Variants in AKT3 observed in about 807,000 individuals in gnomAD.
AKT3 encodes the protein RAC-gamma serine/threonine-protein kinase.
A neutral mutation model predicts 65.3 loss-of-function variants in AKT3; 15 were observed. That is an observed-to-expected ratio of 0.23 (90% confidence interval 0.15 to 0.35). The LOEUF (loss-of-function observed/expected upper bound fraction) is 0.35, where lower values mean the gene tolerates loss of function less well. AKT3 is among the 10% of genes least tolerant of loss of function. The probability of loss-of-function intolerance (pLI) is 1.00; values close to 1 mark genes in which losing one functional copy is unlikely to be tolerated. For synonymous variants in AKT3, 206 were observed against 183.8 expected, an observed-to-expected ratio of 1.12 and a Z score of -0.98; for missense variants, 243 against 576.5, an observed-to-expected ratio of 0.42 and a Z score of 5.92.
chr1:243,677,826 C>A (rs1476349733), intron 3 of AKT3, among the ~76,000 whole-genome samples: 1 of 152,144 alleles, frequency 6.6e-6, no homozygotes. Context: ...GTGGCTCATG[C>A]CTGTAATCCC....
intron 2 of AKT3, among the ~76,000 whole-genome samples, chr1:243,717,448 C>A (rs941182420): frequency 2.0e-5 from 3 of 152,140 alleles, no homozygotes; most frequent in African/African-American, 7.2e-5. Context: ...TTTAGTTTAT[C>A]ATTTTAAAAA....
At chr1:243,803,401 T>C (rs1692497720) in intron 2 of AKT3, among the ~76,000 whole-genome samples, 1 of 152,170 alleles carries the variant, frequency 6.6e-6, no homozygotes, top group African/African-American at 2.4e-5. Context: ...CTACTGAAGT[T>C]ATCCACATAG....
intron 12 of AKT3, among the ~76,000 whole-genome samples, chr1:243,521,933 T>C (rs1413128948): frequency 5.9e-5 from 9 of 152,240 alleles, no homozygotes; most frequent in Non-Finnish European, 7.3e-5. Flanking sequence ...CTATTGACTG[T>C]AGGTTTATGC....
intron 2 of AKT3, among the ~76,000 whole-genome samples, chr1:243,751,766 A>T (rs1199269195): frequency 6.6e-6 from 1 of 152,128 alleles, no homozygotes; most frequent in Non-Finnish European, 1.5e-5. Flanking sequence ...ACAGGGGAAG[A>T]GAGCTTGCAG....
chr1:243,633,702 G>A (rs1679772817), intron 6 of AKT3, among the ~76,000 whole-genome samples: 1 of 151,944 alleles, frequency 6.6e-6, no homozygotes, highest in Admixed American at 6.6e-5. Context: ...ACAAAAGAAG[G>A]CATTTATGTA....
At chr1:243,498,755 A>C (rs1040770341), downstream of AKT3, among the ~76,000 whole-genome samples, 4 of 152,248 alleles carry the variant, frequency 2.6e-5, no homozygotes, top group African/African-American at 9.6e-5. Flanking sequence ...AGGTTGATAG[A>C]GTCCTCCCTT....
At chr1:243,489,538 A>G (rs564488932) in intron 13 of AKT3, among the ~76,000 whole-genome samples, 1 of 152,324 alleles carries the variant, frequency 6.6e-6, no homozygotes, top group African/African-American at 2.4e-5. Flanking sequence ...GGTTGAGGAA[A>G]GAGGTGTTCC....
intron 1 of AKT3, among the ~76,000 whole-genome samples, chr1:243,844,428 G>T (rs757166111): frequency 2.0e-5 from 3 of 152,158 alleles, no homozygotes; most frequent in Non-Finnish European, 2.9e-5. Context: ...GGAGCTCTTG[G>T]GAAGACAATG....
intron 2 of AKT3, among the ~76,000 whole-genome samples, chr1:243,837,901 A>C (rs998955817): frequency 6.6e-6 from 1 of 152,216 alleles, no homozygotes; most frequent in Non-Finnish European, 1.5e-5. Flanking sequence ...ATATGATCAG[A>C]AAAAGAAATC....
intron 2 of AKT3, among the ~76,000 whole-genome samples, chr1:243,749,833 A>G (rs1393700998): frequency 6.6e-6 from 1 of 152,162 alleles, no homozygotes; most frequent in Non-Finnish European, 1.5e-5. Context: ...AACTCCTGCC[A>G]ATTTGCTATT....
At chr1:243,850,712 C>G (rs1695747986), upstream of AKT3, among the ~76,000 whole-genome samples, 1 of 151,928 alleles carries the variant, frequency 6.6e-6, no homozygotes, top group Non-Finnish European at 1.5e-5. Context: ...GCCGCCTCTG[C>G]TCCCCTCCCT....
intron 2 of AKT3, among the ~76,000 whole-genome samples, chr1:243,740,100 A>C (rs966330375): frequency 6.6e-6 from 1 of 152,240 alleles, no homozygotes; most frequent in African/African-American, 2.4e-5. Context: ...CCGGAAGAGA[A>C]GGGTCTTCCT....
chr1:243,564,474 C>A (rs895652406), intron 9 of AKT3, among the ~76,000 whole-genome samples: 5 of 152,052 alleles, frequency 3.3e-5, no homozygotes, highest in Admixed American at 3.3e-4. Flanking sequence ...TAAAGTTGGA[C>A]CCTCTTTGAA....
intron 4 of AKT3, among the ~76,000 whole-genome samples, chr1:243,663,993 T>C (rs1006784006): frequency 3.9e-5 from 6 of 152,102 alleles, no homozygotes; most frequent in Non-Finnish European, 7.4e-5. Context: ...TCAATGCTAA[T>C]TAATCCTCTC....
intron 4 of AKT3, among the ~76,000 whole-genome samples, chr1:243,659,967 T>C (rs1682159917): frequency 6.6e-6 from 1 of 152,126 alleles, no homozygotes; most frequent in Non-Finnish European, 1.5e-5. Context: ...TCTGCCAGGC[T>C]TTGGTATCAG....
chr1:243,776,700 T>C (rs1690573490), intron 2 of AKT3, among the ~76,000 whole-genome samples: 2 of 152,164 alleles, frequency 1.3e-5, no homozygotes, highest in Non-Finnish European at 2.9e-5. Context: ...ACAGACTAAA[T>C]AACCTCCCTA....
chr1:243,790,210 T>C (rs138430838), intron 2 of AKT3, among the ~76,000 whole-genome samples: 84 of 152,302 alleles, frequency 5.5e-4, no homozygotes, highest in Non-Finnish European at 1.1e-3. Context: ...CTGGATAACA[T>C]CTTCTTCACC....
At chr1:243,613,198 CACAT>C (rs763173743) in intron 8 of AKT3, among the ~76,000 whole-genome samples, 56 of 148,146 alleles carry the variant, frequency 3.8e-4, no homozygotes, top group Non-Finnish European at 4.3e-4. Context: ...TACACACACA[CACAT>C]ATATATATAT....
intron 2 of AKT3, among the ~76,000 whole-genome samples, chr1:243,727,757 A>G (rs1292460630): frequency 6.6e-6 from 1 of 152,182 alleles, no homozygotes; most frequent in Non-Finnish European, 1.5e-5. Context: ...TTATAGTTCA[A>G]AGTCTTTCTA....
Sources: gnomAD v4.1 joint callset for allele counts (sites outside exome capture counted in the v4.1 genomes callset) on GRCh38, gnomAD v4.1.1 for gene constraint, MANE v1.5 for transcripts, NCBI Gene and HGNC (gene_info 2026-07-23, HGNC 2026-07-21) for gene names.